Variants in FAR2 observed in about 807,000 individuals in gnomAD.
FAR2 encodes epididymis secretory protein Li 81.
Under a neutral mutation model 56.0 loss-of-function variants are expected in FAR2, and 19 were observed. The ratio of observed to expected loss-of-function variants is 0.34; its 90% CI spans 0.24 to 0.50. FAR2 has a LOEUF of 0.50. FAR2 is among the 20% of genes least tolerant of loss of function. The pLI is 0.98. For missense variants in FAR2, 508 were observed against 642.2 expected, an observed-to-expected ratio of 0.79 and a Z score of 2.26; for synonymous variants, 219 against 218.8, an observed-to-expected ratio of 1.00 and a Z score of -0.01.
chr12:29,228,774 GA>G (rs1947809026), intron 1 of FAR2, among the ~76,000 whole-genome samples: 1 of 152,276 alleles, frequency 6.6e-6, no homozygotes. Context: ...TTTCAGTAGA[GA>G]AAAGGTTTTG....
At chr12:29,185,175 A>G (rs553698770) in intron 1 of FAR2, among the ~76,000 whole-genome samples, 16 of 152,292 alleles carry the variant, frequency 1.1e-4, no homozygotes, top group Admixed American at 3.3e-4. Flanking sequence ...ATAATTTTAA[A>G]TCTATGTCAG....
At chr12:29,240,779 T>C (rs1948016997) in intron 1 of FAR2, among the ~76,000 whole-genome samples, 1 of 149,720 alleles carries the variant, frequency 6.7e-6, no homozygotes, top group Non-Finnish European at 1.5e-5. Flanking sequence ...AGGAATGTCA[T>C]TGTGTGTGTG....
At chr12:29,229,152 A>C (rs1392432219) in intron 1 of FAR2, among the ~76,000 whole-genome samples, 1 of 152,200 alleles carries the variant, frequency 6.6e-6, no homozygotes, top group African/African-American at 2.4e-5. Flanking sequence ...TTGATAATTG[A>C]TATATTTCTG....
At chr12:29,178,889 A>C (rs1474125665) in intron 1 of FAR2, among the ~76,000 whole-genome samples, 1 of 152,170 alleles carries the variant, frequency 6.6e-6, no homozygotes, top group Non-Finnish European at 1.5e-5. Context: ...GCAGACATGC[A>C]TTTTCTCACA....
intron 10 of FAR2, among the ~76,000 whole-genome samples, chr12:29,324,718 C>A (rs1949614906): frequency 6.6e-6 from 1 of 152,114 alleles, no homozygotes; most frequent in Non-Finnish European, 1.5e-5. Context: ...TTGTCACCAC[C>A]AGGCCTGCCC....
chr12:29,330,149 C>T (rs12813789), intron 10 of FAR2, among the ~76,000 whole-genome samples: 18,017 of 150,786 alleles, frequency 0.12, 1,240 homozygotes, highest in Middle Eastern at 0.24. Flanking sequence ...CTCCGCCTCC[C>T]GGGTTCAAGC....
intron 10 of FAR2, among the ~76,000 whole-genome samples, chr12:29,325,175 G>T (rs1470661472): frequency 3.3e-5 from 5 of 152,060 alleles, no homozygotes; most frequent in Non-Finnish European, 5.9e-5. Flanking sequence ...AATGGTAAAG[G>T]GATCAATTCA....
intron 1 of FAR2, among the ~76,000 whole-genome samples, chr12:29,221,732 C>A (rs1168197957): frequency 6.6e-6 from 1 of 152,162 alleles, no homozygotes; most frequent in Non-Finnish European, 1.5e-5. Flanking sequence ...TTATTATTAC[C>A]ACCAATTTTA....
intron 5 of FAR2, 117 bp from the exon 6 acceptor site, chr12:29,309,069 C>A: frequency 1.3e-6 from 1 of 753,262 alleles, no homozygotes; most frequent in Non-Finnish European, 2.3e-6. Flanking sequence ...TTAGATAGTT[C>A]TATTGGCTGG....
chr12:29,233,704 T>C (rs1211136977), intron 1 of FAR2, among the ~76,000 whole-genome samples: 1 of 152,226 alleles, frequency 6.6e-6, no homozygotes, highest in African/African-American at 2.4e-5. Context: ...CATTATTAAT[T>C]TTGTTTTTAG....
intron 8 of FAR2, among the ~76,000 whole-genome samples, chr12:29,312,438 A>C (rs1949369149): frequency 6.6e-6 from 1 of 152,150 alleles, no homozygotes; most frequent in South Asian, 2.1e-4. Flanking sequence ...TCAGGTGTGC[A>C]ATAACCACTC....
At chr12:29,268,288 A>T (rs1948552840) in intron 1 of FAR2, among the ~76,000 whole-genome samples, 1 of 152,152 alleles carries the variant, frequency 6.6e-6, no homozygotes, top group African/African-American at 2.4e-5. Flanking sequence ...GCCTTTCTAC[A>T]GTTGACAAAG....
chr12:29,156,929 A>T (rs1257123613), intron 1 of FAR2: 1 of 151,464 alleles, frequency 6.6e-6, no homozygotes, highest in African/African-American at 2.4e-5. Context: ...ATATTTTCAG[A>T]CGAGGGTGTG....
chr12:29,204,182 G>A (rs542705674), intron 1 of FAR2, among the ~76,000 whole-genome samples: 16 of 151,852 alleles, frequency 1.1e-4, no homozygotes, highest in East Asian at 5.8e-4. Flanking sequence ...AGATGTCTGC[G>A]TACAAAATGG....
chr12:29,326,056 A>G (rs1949639664), intron 10 of FAR2, among the ~76,000 whole-genome samples: 1 of 152,168 alleles, frequency 6.6e-6, no homozygotes, highest in Non-Finnish European at 1.5e-5. Context: ...GCAATAAAAA[A>G]TGACAAAGGG....
At chr12:29,179,897 G>T (rs75246936) in intron 1 of FAR2, among the ~76,000 whole-genome samples, 6,141 of 152,234 alleles carry the variant, frequency 0.04, 431 homozygotes, top group African/African-American at 0.14. Context: ...CTACTTCCAA[G>T]AGGAGAAAAG....
At chr12:29,205,200 C>T (rs1908691) in intron 1 of FAR2, among the ~76,000 whole-genome samples, 125,159 of 152,162 alleles carry the variant, frequency 0.82, 51,725 homozygotes, top group East Asian at 0.91. Flanking sequence ...TATGTTACTA[C>T]AAGTTTATGC....
At chr12:29,308,119 A>T (rs1949282987) in intron 5 of FAR2, 3 of 268,220 alleles carry the variant, frequency 1.1e-5, no homozygotes, top group Non-Finnish European at 2.1e-5. Context: ...ATGGTTTCAT[A>T]TCTTGGCTTT....
intron 1 of FAR2, among the ~76,000 whole-genome samples, chr12:29,269,326 T>A (rs1948574729): frequency 6.6e-6 from 1 of 152,226 alleles, no homozygotes; most frequent in Non-Finnish European, 1.5e-5. Flanking sequence ...AAGAGAAATA[T>A]GGCTCTGTTC....
Sources: gnomAD v4.1 joint callset for allele counts (sites outside exome capture counted in the v4.1 genomes callset) on GRCh38, gnomAD v4.1.1 for gene constraint, MANE v1.5 for transcripts, NCBI Gene and HGNC (gene_info 2026-07-23, HGNC 2026-07-21) for gene names.